Variants in DNAJA3 observed in about 807,000 individuals in gnomAD.
DNAJA3 encodes dnaJ homolog subfamily A member 3, mitochondrial.
DNAJA3 carries 29 observed loss-of-function variants against 54.9 expected under a neutral mutation model. That is an observed-to-expected ratio of 0.53 (90% CI 0.39 to 0.72). The LOEUF is 0.72. Among genes scored for constraint, DNAJA3 ranks in the 30% least tolerant of loss-of-function variants. The pLI is 0.00. For synonymous variants in DNAJA3, 302 were observed against 251.4 expected, an observed-to-expected ratio of 1.20 and a Z score of -1.90; for missense variants, 708 against 639.4, an observed-to-expected ratio of 1.11 and a Z score of -1.16.
intron 8 of DNAJA3, 96 bp downstream of exon 8, chr16:4,447,110 G>T: frequency 6.9e-7 from 1 of 1,458,552 alleles, no homozygotes; most frequent in South Asian, 1.3e-5. Flanking sequence ...ACCCATGAGT[G>T]ACCAGCATGT....
intron 8 of DNAJA3, 83 bp from the exon 9 acceptor site, chr16:4,448,645 TTCCTA>T (rs756823839): frequency 4.7e-4 from 421 of 900,864 alleles, no homozygotes; most frequent in Non-Finnish European, 6.7e-4. Context: ...TTTCAAGGAA[TTCCTA>T]TCAAGATTGT....
rs781335013 is a variant in DNAJA3, at chr16:4,437,504, A to C, written c.429+19A>C. ...CTATGAGGTAATATGACTTCGGTGCATGCGGTCACTGCTGTTCAGCTATGT... is the reference window on the plus strand; with the variant it reads ...CTATGAGGTAATATGACTTCGGTGCCTGCGGTCACTGCTGTTCAGCTATGT... On this transcript the variant is annotated intron_variant, in intron 3 of 11. Coordinates refer to ENST00000262375, the MANE Select transcript of DNAJA3 (RefSeq NM_005147.6). The C allele has an allele frequency of 6.2e-7, 1 of 1,603,662 alleles. No homozygotes were observed. The highest frequency in any genetic ancestry group is 1.7e-5 in the Admixed American group (1 of 59,912).
rs777703827 is a variant in DNAJA3 at position 4,444,727 on chromosome 16, G to A, written c.995G>A (p.Arg332Lys). The A allele has an allele frequency of 1.9e-5, 31 of 1,613,912 alleles. No homozygotes were observed. Among genetic ancestry groups the A allele is most frequent in the Admixed American group, 6.7e-5 (4 of 59,984 alleles). ...AAAAGGGAAATTTTCATTACGTTCA[G>A]GGTAGGTGCCCTGCCCCGCACAGCT... ...VGKREIFITF[R>K]VQKSPVFRRD... The change falls in exon 7 of 12, where the codon AGG (arginine) becomes AAG (lysine). Residue 332 changes from arginine (R) to lysine (K), a missense_variant and splice_region_variant. Arg to Lys is a conservative substitution (Grantham distance 26, BLOSUM62 2). Coordinates refer to ENST00000262375, the MANE Select transcript of DNAJA3 (RefSeq NM_005147.6).
intron 10 of DNAJA3, among the ~76,000 whole-genome samples, chr16:4,451,752 GAAAAAAAAAAAAA>G: frequency 2.4e-5 from 1 of 41,860 alleles, no homozygotes; most frequent in East Asian, 6.8e-4. Flanking sequence ...GAGACTCTCT[GAAAAAAAAAAAAA>G]AAAAAAAAAA....
chr16:4,436,688 A>T (rs1436435683), intron 2 of DNAJA3, among the ~76,000 whole-genome samples: 3 of 151,842 alleles, frequency 2.0e-5, no homozygotes, highest in Non-Finnish European at 4.4e-5. Context: ...GGCGCGTGTG[A>T]CCATACCTGG....
chr16:4,450,256 C>T (rs937357089), intron 9 of DNAJA3, 144 bp from the exon 10 acceptor site: 1 of 602,848 alleles, frequency 1.7e-6, no homozygotes, highest in East Asian at 2.8e-5. Context: ...CTTAGGTTCT[C>T]ACCGCTGCAC....
chr16:4,446,758 C>T (rs1301734906), intron 7 of DNAJA3, 128 bp from the exon 8 acceptor site: 8 of 1,139,354 alleles, frequency 7.0e-6, no homozygotes, highest in Admixed American at 2.3e-5. Context: ...TTTCCCTCAA[C>T]ACTGCACTTT....
At chr16:4,432,647 T>G (rs2056719321) in intron 1 of DNAJA3, among the ~76,000 whole-genome samples, 1 of 152,030 alleles carries the variant, frequency 6.6e-6, no homozygotes, top group Non-Finnish European at 1.5e-5. Context: ...CGGCCCGGCT[T>G]ATTCACTTTT....
intron 8 of DNAJA3, 117 bp from the exon 9 acceptor site, chr16:4,448,616 G>A (rs1018763480): frequency 3.8e-5 from 28 of 728,052 alleles, no homozygotes; most frequent in African/African-American, 1.8e-4. Flanking sequence ...TGATGGGAGC[G>A]TGAGCCAGTG....
intron 6 of DNAJA3, among the ~76,000 whole-genome samples, chr16:4,444,200 T>C (rs1327300778): frequency 2.0e-5 from 3 of 152,316 alleles, no homozygotes; most frequent in East Asian, 1.9e-4. Flanking sequence ...AGGTTACCCA[T>C]GTGCCTCTTA....
At chr16:4,433,625 A>T (rs1021831629) in intron 1 of DNAJA3, among the ~76,000 whole-genome samples, 8 of 152,192 alleles carry the variant, frequency 5.3e-5, no homozygotes, top group Admixed American at 5.2e-4. Flanking sequence ...TGCAAGATAG[A>T]GGGAAAAGAA....
At chr16:4,428,605 G>T (rs1414965079) in intron 1 of DNAJA3, among the ~76,000 whole-genome samples, 1 of 152,212 alleles carries the variant, frequency 6.6e-6, no homozygotes, top group Admixed American at 6.6e-5. Context: ...AGCTTTGTGT[G>T]AAGCTGTGAC....
At chr16:4,442,199 C>A in intron 4 of DNAJA3, 69 bp from the exon 5 acceptor site, 1 of 1,495,258 alleles carries the variant, frequency 6.7e-7, no homozygotes, top group Non-Finnish European at 9.0e-7. Flanking sequence ...CCTCCTTTCC[C>A]TTTAGAGCCG....
rs779752404 is a variant in DNAJA3, at chr16:4,437,493, G to A, written c.429+8G>A. 1.2e-6 allele frequency: 2 copies of A among 1,612,188 alleles called. No homozygotes were observed. Among genetic ancestry groups the A allele is most frequent in the Non-Finnish European group, 1.7e-6 (2 of 1,178,386 alleles). ...CTGGCAGAAGCCTATGAGGTAATAT[G>A]ACTTCGGTGCATGCGGTCACTGCTG... On this transcript the variant is annotated splice_region_variant and intron_variant, in intron 3 of 11. Coordinates refer to ENST00000262375, the MANE Select transcript of DNAJA3 (RefSeq NM_005147.6).
intron 3 of DNAJA3, among the ~76,000 whole-genome samples, chr16:4,439,514 C>T (rs190857874): frequency 6.6e-6 from 1 of 152,236 alleles, no homozygotes; most frequent in Admixed American, 6.5e-5. Flanking sequence ...TTCCCCACTG[C>T]ACCCAGAAGA....
chr16:4,439,954 A>G (rs2056819141), intron 3 of DNAJA3, among the ~76,000 whole-genome samples: 1 of 151,778 alleles, frequency 6.6e-6, no homozygotes, highest in Non-Finnish European at 1.5e-5. Context: ...TTTTTTTGAG[A>G]TAGTGTCTCA....
chr16:4,442,911 A>T (rs958843115), intron 5 of DNAJA3, 106 bp from the exon 6 acceptor site: 23 of 1,347,886 alleles, frequency 1.7e-5, no homozygotes, highest in Non-Finnish European at 1.5e-5. Flanking sequence ...ACATGCACAT[A>T]AAAAACAAGC....
At chr16:4,454,752 G>T (rs2057015732) in intron 10 of DNAJA3, 59 bp from the exon 11 acceptor site, 3 of 1,361,724 alleles carry the variant, frequency 2.2e-6, no homozygotes, top group Non-Finnish European at 3.1e-6. Flanking sequence ...GTGGGCCCTG[G>T]GATGTGACTG....
rs1452041750 is a variant in DNAJA3, at chr16:4,456,548, C to G, written c.*1016C>G. On this transcript the variant is annotated 3_prime_UTR_variant, in exon 12 of 12. Transcript: ENST00000262375. ...CCACCATTCAGTGAGAGCAGAACCC[C>G]CATTCCCCAGCCTCTGCTGGTAGCA... 1.3e-5 allele frequency: 2 copies of G among 152,642 alleles called. No individual in the cohort carries two copies. The highest frequency in any genetic ancestry group is 4.8e-5 in the African/African-American group (2 of 41,448). The allele number at this position is 152,642 out of a possible 1,614,324, so 9.5% of individuals were successfully genotyped here.
Sources: gnomAD v4.1 joint callset for allele counts (sites outside exome capture counted in the v4.1 genomes callset) on GRCh38, gnomAD v4.1.1 for gene constraint, MANE v1.5 for transcripts, NCBI Gene and HGNC (gene_info 2026-07-23, HGNC 2026-07-21) for gene names.